Variants in FAM171A1 observed in about 807,000 individuals in gnomAD.
FAM171A1 encodes the protein protein FAM171A1.
A neutral mutation model predicts 74.9 loss-of-function variants in FAM171A1; 23 were observed. The observed-to-expected ratio is 0.31, with a 90% CI of 0.22 to 0.44. The LOEUF (loss-of-function observed/expected upper bound fraction) is 0.44. Ranked by LOEUF, FAM171A1 falls within the 20% of genes least tolerant of loss-of-function variation. The probability of loss-of-function intolerance (pLI) is 1.00; values close to 1 mark genes in which losing one functional copy is unlikely to be tolerated. For missense variants in FAM171A1, 1,162 were observed against 1,159.2 expected (o/e 1.00, Z -0.03); for synonymous variants, 527 against 505.7 (o/e 1.04, Z -0.57).
chr10:15,276,499 C>G (rs1324320755), intron 2 of FAM171A1, among the ~76,000 whole-genome samples: 9 of 152,258 alleles, frequency 5.9e-5, no homozygotes, highest in Admixed American at 5.2e-4. Flanking sequence ...AGTAAAGTAA[C>G]TAAGCCTCTT....
intron 1 of FAM171A1, among the ~76,000 whole-genome samples, chr10:15,308,515 G>A (rs1169662851): frequency 6.6e-6 from 1 of 152,072 alleles, no homozygotes; most frequent in Non-Finnish European, 1.5e-5. Context: ...CCAGGCTGGA[G>A]TGCAGTGGCA....
chr10:15,237,516 C>T (rs1834307472), intron 5 of FAM171A1: 1 of 152,202 alleles, frequency 6.6e-6, no homozygotes, highest in African/African-American at 2.4e-5. Flanking sequence ...CTCCCATGGG[C>T]AGGACCAGTG....
At chr10:15,345,618 T>C (rs1156541854) in intron 1 of FAM171A1, among the ~76,000 whole-genome samples, 4 of 152,048 alleles carry the variant, frequency 2.6e-5, no homozygotes, top group Non-Finnish European at 4.4e-5. Context: ...GGACGGGGGA[T>C]AGCCTTGGGC....
Position 15,213,403 on chromosome 10 carries a change from T to G in FAM171A1, c.2185A>C (p.Arg729=). 6.2e-7 allele frequency: 1 copy of G among 1,614,162 alleles called. No homozygotes were observed. The highest frequency in any genetic ancestry group is 8.5e-7 in the Non-Finnish European group (1 of 1,180,036). The part of the protein sequence containing the change: ...HVRHSYIDLQ[R]AGRNGSNDAS... ...TCATTACTTCCGTTCCTTCCAGCTC[T>G]TTGGAGATCAATGTATGAATGTCTA... Residue 729 remains arginine (R), a synonymous_variant, in exon 8 of 8, where the codon AGA becomes CGA. Transcript: ENST00000378116. The surrounding 1 kb of genome is among the most constrained non-coding windows in gnomAD (Gnocchi z 6.8).
intron 1 of FAM171A1, among the ~76,000 whole-genome samples, chr10:15,347,697 G>A (rs755668592): frequency 3.3e-5 from 5 of 151,736 alleles, no homozygotes; most frequent in East Asian, 1.9e-4. Context: ...TTAGCTGGGC[G>A]TGGTGGTGCG....
intron 1 of FAM171A1, among the ~76,000 whole-genome samples, chr10:15,356,163 G>C (rs1196702009): frequency 6.6e-6 from 1 of 151,620 alleles, no homozygotes; most frequent in African/African-American, 2.4e-5. Flanking sequence ...TAGCTGGAAA[G>C]TAAAATGAAT....
chr10:15,374,048 T>C (rs537088810), upstream of FAM171A1, among the ~76,000 whole-genome samples: 107 of 152,144 alleles, frequency 7.0e-4, no homozygotes, highest in Non-Finnish European at 1.1e-3. Context: ...AAAATAGAAA[T>C]GAAGAACCCA....
At chr10:15,323,936 T>C (rs967179077) in intron 1 of FAM171A1, among the ~76,000 whole-genome samples, 8 of 151,802 alleles carry the variant, frequency 5.3e-5, no homozygotes, top group African/African-American at 1.7e-4. Flanking sequence ...CCACTAAAAA[T>C]ATAACAGTGA....
chr10:15,324,752 C>CAA (rs201815442), intron 1 of FAM171A1, among the ~76,000 whole-genome samples: 1 of 151,114 alleles, frequency 6.6e-6, no homozygotes, highest in Non-Finnish European at 1.5e-5. Flanking sequence ...AAAAAGTCCA[C>CAA]AAAAAAAAGG....
At chr10:15,265,671 A>C (rs368439318) in intron 3 of FAM171A1, among the ~76,000 whole-genome samples, 1 of 130,238 alleles carries the variant, frequency 7.7e-6, no homozygotes, top group Admixed American at 8.2e-5. Flanking sequence ...TTTTTTTTGT[A>C]TTTGTTTAAC....
chr10:15,359,647 G>A (rs1346095760), intron 1 of FAM171A1, among the ~76,000 whole-genome samples: 1 of 152,206 alleles, frequency 6.6e-6, no homozygotes, highest in Non-Finnish European at 1.5e-5. Context: ...TTAGGGCTAT[G>A]GATTTCAAGA....
rs151031057 is a variant in FAM171A1 at position 15,295,476 on chromosome 10, C to T, written c.98-11371G>A. ...CATATTTATTCTAACAAACTCTGGC[C>T]CTATCTTAAAAGGGAAAGTAAAGTT... On this transcript the variant is annotated intron_variant, in intron 1 of 7. Transcript: ENST00000378116. Among the ~76,000 whole-genome samples the T allele has an allele frequency of 4.9e-3, 747 of 152,230 alleles. 8 individuals are homozygous for T. The highest frequency in any genetic ancestry group is 0.017 in the African/African-American group (687 of 41,532).
At chr10:15,346,032 A>T (rs7915748) in intron 1 of FAM171A1, among the ~76,000 whole-genome samples, 3 of 152,166 alleles carry the variant, frequency 2.0e-5, no homozygotes, top group East Asian at 1.9e-4. Flanking sequence ...TATAGACAGC[A>T]GCTTCTGTCT....
At chr10:15,279,900 T>TAAAACAAAAC (rs142632154) in intron 2 of FAM171A1, among the ~76,000 whole-genome samples, 34 of 149,750 alleles carry the variant, frequency 2.3e-4, no homozygotes, top group Non-Finnish European at 3.4e-4. Flanking sequence ...TCTTGAAAAA[T>TAAAACAAAAC]AAAACAAAAC....
chr10:15,284,932 T>TAAAAAAAAAAAAAAA, intron 1 of FAM171A1, among the ~76,000 whole-genome samples: 1 of 98,686 alleles, frequency 1.0e-5, no homozygotes, highest in Admixed American at 9.8e-5. Context: ...AGAAAAAGAA[T>TAAAAAAAAAAAAAAA]AAAAAAAAAA....
At chr10:15,254,170 G>A (rs1834544803) in intron 4 of FAM171A1, among the ~76,000 whole-genome samples, 1 of 152,156 alleles carries the variant, frequency 6.6e-6, no homozygotes, top group Admixed American at 6.5e-5. Context: ...ATGGCAGAGG[G>A]CGGAGGCTCC....
At chr10:15,334,947 A>C (rs1368814881) in intron 1 of FAM171A1, among the ~76,000 whole-genome samples, 1 of 152,226 alleles carries the variant, frequency 6.6e-6, no homozygotes, top group Non-Finnish European at 1.5e-5. Context: ...TCCCGATTCA[A>C]GATACACATA....
At chr10:15,373,849 C>G (rs1314949686), upstream of FAM171A1, among the ~76,000 whole-genome samples, 1 of 152,172 alleles carries the variant, frequency 6.6e-6, no homozygotes, top group Non-Finnish European at 1.5e-5. Flanking sequence ...TGGAAGAAAT[C>G]TTAATAAACT....
intron 5 of FAM171A1, among the ~76,000 whole-genome samples, chr10:15,234,941 C>T (rs1184657675): frequency 2.6e-5 from 4 of 152,090 alleles, no homozygotes; most frequent in South Asian, 2.1e-4. Flanking sequence ...GGATTACAGG[C>T]GTGAGCCACC....
Sources: allele counts gnomAD v4.1 joint callset (sites outside exome capture counted in the v4.1 genomes callset), GRCh38; gene constraint gnomAD v4.1.1; non-coding constraint Gnocchi (gnomAD v3.1); transcripts MANE v1.5; gene names NCBI Gene and HGNC (gene_info 2026-07-23, HGNC 2026-07-21).